Variants in GRIP2 observed in about 807,000 individuals in gnomAD.
GRIP2 encodes the protein glutamate receptor-interacting protein 2.
A neutral mutation model predicts 108.3 loss-of-function variants in GRIP2; 58 were observed. The observed-to-expected ratio is 0.54, with a 90% CI of 0.43 to 0.67. The LOEUF (loss-of-function observed/expected upper bound fraction) is 0.67. GRIP2 is among the 30% of genes least tolerant of loss of function. The pLI is 0.00. For missense variants in GRIP2, 1,278 were observed against 1,430.6 expected, an observed-to-expected ratio of 0.89 and a Z score of 1.72; for synonymous variants, 586 against 598.2, an observed-to-expected ratio of 0.98 and a Z score of 0.30.
chr3:14,524,143 G>C, intron 4 of GRIP2: 1 of 566,526 alleles, frequency 1.8e-6, no homozygotes, highest in Non-Finnish European at 3.1e-6. Flanking sequence ...AACCCTCCCC[G>C]CTAAAGGAAA....
At chr3:14,575,742 T>C in the GRIP2 span, among the ~76,000 whole-genome samples, 1 of 152,190 alleles carries the variant, frequency 6.6e-6, no homozygotes, top group Non-Finnish European at 1.5e-5. Flanking sequence ...GGGGCTGTCG[T>C]AAGGGAGGCA....
the GRIP2 span, among the ~76,000 whole-genome samples, chr3:14,593,228 T>C: frequency 5.3e-5 from 8 of 152,202 alleles, no homozygotes; most frequent in Admixed American, 5.2e-4. Context: ...TTGGCTTACA[T>C]CTTGAGAGAA....
the GRIP2 span, among the ~76,000 whole-genome samples, chr3:14,581,267 G>A: frequency 6.6e-6 from 1 of 152,168 alleles, no homozygotes; most frequent in Non-Finnish European, 1.5e-5. Context: ...AGCTGTTTCT[G>A]CCCATCCAGC....
the GRIP2 span, chr3:14,573,008 C>G: frequency 3.4e-6 from 5 of 1,469,160 alleles, no homozygotes; most frequent in South Asian, 4.5e-5. Flanking sequence ...AGATGATGAT[C>G]AGGCAGCATT....
At chr3:14,577,220 A>C in the GRIP2 span, among the ~76,000 whole-genome samples, 6 of 152,308 alleles carry the variant, frequency 3.9e-5, no homozygotes, top group African/African-American at 1.4e-4. Context: ...ATTTTGTGTT[A>C]TTTCTACTAG....
chr3:14,511,456 G>A lies in GRIP2; in HGVS notation c.1744C>T (p.Pro582Ser), dbSNP rs1694090941. 2 of 1,613,548 alleles carry A rather than the reference G, an allele frequency of 1.2e-6. No homozygotes were observed. The highest frequency in any genetic ancestry group is 1.7e-6 in the Non-Finnish European group (2 of 1,179,884). Reference sequence around the variant, plus strand: ...TTCTTGATGTCGGAGATGATCAAGGGCTCCCCTCGTTTCCTGCTGGCCGCT... The same window carrying A: ...TTCTTGATGTCGGAGATGATCAAGGACTCCCCTCGTTTCCTGCTGGCCGCT... Reference protein sequence around the residue: ...ISSASRKRGEPLIISDIKKGS... With the variant: ...ISSASRKRGESLIISDIKKGS... Residue 582 changes from proline (P) to serine (S), a missense_variant, in exon 15 of 24, where the codon CCC (proline) becomes TCC (serine). Pro to Ser is a moderately conservative substitution (Grantham distance 74). Transcript: ENST00000621039. The surrounding 1 kb of genome is among the most constrained non-coding windows in gnomAD (Gnocchi z 4.1).
the GRIP2 span, chr3:14,573,233 G>A: frequency 2.1e-6 from 3 of 1,404,570 alleles, no homozygotes; most frequent in Non-Finnish European, 3.0e-6. Flanking sequence ...TGAAGAGGCA[G>A]GCCAGGATGC....
the GRIP2 span, among the ~76,000 whole-genome samples, chr3:14,568,946 G>A: frequency 6.6e-6 from 1 of 152,144 alleles, no homozygotes; most frequent in Admixed American, 6.5e-5. Flanking sequence ...TCCATGTCTC[G>A]GCTTCCTGAC....
upstream of GRIP2, among the ~76,000 whole-genome samples, chr3:14,546,285 G>A (rs59483451): frequency 8.8e-3 from 1,337 of 152,318 alleles, 19 homozygotes; most frequent in African/African-American, 0.029. Flanking sequence ...AGACAAGGTC[G>A]GCCGAGGCCA....
chr3:14,594,424 G>A, the GRIP2 span, among the ~76,000 whole-genome samples: 1 of 152,150 alleles, frequency 6.6e-6, no homozygotes, highest in African/African-American at 2.4e-5. Context: ...GGCAGAGGCT[G>A]GGAGCAGGCG....
intron 1 of GRIP2, among the ~76,000 whole-genome samples, chr3:14,547,191 G>A (rs1015125970): frequency 6.6e-6 from 1 of 152,184 alleles, no homozygotes; most frequent in Non-Finnish European, 1.5e-5. Context: ...AGGAAAGATG[G>A]AAAGGAAGGA....
At chr3:14,567,186 C>A in the GRIP2 span, among the ~76,000 whole-genome samples, 24 of 152,304 alleles carry the variant, frequency 1.6e-4, no homozygotes, top group Admixed American at 9.2e-4. Flanking sequence ...GCAACTCACT[C>A]AGCAGTGAGG....
intron 4 of GRIP2, 29 bp downstream of exon 4, chr3:14,524,364 G>A: frequency 1.2e-6 from 2 of 1,602,418 alleles, no homozygotes; most frequent in Non-Finnish European, 1.7e-6. Flanking sequence ...CGAGGCAGTG[G>A]AGAAAGTTCC....
intron 1 of GRIP2, among the ~76,000 whole-genome samples, chr3:14,553,715 GT>G (rs1695189090): frequency 6.6e-6 from 1 of 152,172 alleles, no homozygotes. Flanking sequence ...ATGGAGAAAT[GT>G]TACCCAGGCA....
intron 1 of GRIP2, among the ~76,000 whole-genome samples, chr3:14,532,171 C>T (rs1345765710): frequency 6.6e-6 from 1 of 152,244 alleles, no homozygotes; most frequent in Non-Finnish European, 1.5e-5. Context: ...CCTGACCCAG[C>T]GGCCCACGCG....
chr3:14,576,126 T>C, the GRIP2 span, among the ~76,000 whole-genome samples: 1 of 152,108 alleles, frequency 6.6e-6, no homozygotes, highest in Non-Finnish European at 1.5e-5. Context: ...TCCAGGAGTC[T>C]GGGGGCAAGG....
chr3:14,531,648 A>G (rs550185003), intron 1 of GRIP2, among the ~76,000 whole-genome samples: 2 of 152,310 alleles, frequency 1.3e-5, no homozygotes, highest in South Asian at 4.1e-4. Context: ...GGGAGGAGGT[A>G]GGTGCTGCGA....
Position 14,523,594 on chromosome 3 carries a change from G to A in GRIP2, c.490+18C>T, listed in dbSNP as rs1275644210. ...TCTTTCTTGCTGCCCCAATACCAAG[G>A]GCAATTCTTTCACTGACCTCTAAGG... On this transcript the variant is annotated intron_variant, in intron 5 of 23. Transcript: ENST00000621039. 2.6e-6 allele frequency: 4 copies of A among 1,553,242 alleles called. No individual in the cohort carries two copies. The highest frequency in any genetic ancestry group is 3.5e-6 in the Non-Finnish European group (4 of 1,128,058).
At chr3:14,535,578 ATGAT>A (rs1308567753) in intron 1 of GRIP2, among the ~76,000 whole-genome samples, 2 of 152,216 alleles carry the variant, frequency 1.3e-5, no homozygotes, top group Non-Finnish European at 2.9e-5. Flanking sequence ...CGGTATAATC[ATGAT>A]TCTCATTTTA....
Sources: gnomAD v4.1 joint callset for allele counts (sites outside exome capture counted in the v4.1 genomes callset) on GRCh38, gnomAD v4.1.1 for gene constraint, Gnocchi (gnomAD v3.1) non-coding constraint, MANE v1.5 for transcripts, NCBI Gene and HGNC (gene_info 2026-07-23, HGNC 2026-07-21) for gene names.